Variants in GPC6 observed in about 807,000 individuals in gnomAD.
The protein encoded by GPC6 is glypican 6.
A neutral mutation model predicts 55.2 loss-of-function variants in GPC6; 14 were observed. The observed-to-expected ratio is 0.25, with a 90% CI of 0.17 to 0.40. The LOEUF (loss-of-function observed/expected upper bound fraction) is 0.40, where lower values mean the gene tolerates loss of function less well. Ranked by LOEUF, GPC6 falls within the 10% of genes least tolerant of loss-of-function variation. The pLI, the probability that GPC6 is intolerant of heterozygous loss-of-function variation, is 1.00. For missense variants in GPC6, 641 were observed against 708.5 expected, an observed-to-expected ratio of 0.90 and a Z score of 1.08; for synonymous variants, 278 against 259.6, an observed-to-expected ratio of 1.07 and a Z score of -0.68.
At chr13:94,312,733 CACACACACAT>C (rs1876317108) in intron 6 of GPC6, among the ~76,000 whole-genome samples, 1 of 138,016 alleles carries the variant, frequency 7.2e-6, no homozygotes, top group African/African-American at 3.2e-5. Context: ...CACACACACA[CACACACACAT>C]GCACTCACCC....
At chr13:93,545,789 A>G (rs1874756536) in intron 2 of GPC6, among the ~76,000 whole-genome samples, 1 of 152,224 alleles carries the variant, frequency 6.6e-6, no homozygotes, top group South Asian at 2.1e-4. Context: ...ATTTAAGATT[A>G]TTTGAAATAT....
At chr13:93,418,211 T>C (rs1187222307) in intron 1 of GPC6, among the ~76,000 whole-genome samples, 1 of 151,894 alleles carries the variant, frequency 6.6e-6, no homozygotes, top group Non-Finnish European at 1.5e-5. Flanking sequence ...TATAGGCATA[T>C]AATGCATAAT....
intron 1 of GPC6, among the ~76,000 whole-genome samples, chr13:93,246,380 T>C (rs918870251): frequency 6.7e-6 from 1 of 150,142 alleles, no homozygotes; most frequent in African/African-American, 2.5e-5. Context: ...CAGGGGCCAG[T>C]GCTTCTCCAC....
intron 6 of GPC6, among the ~76,000 whole-genome samples, chr13:94,357,248 A>C (rs1157996645): frequency 6.6e-6 from 1 of 152,120 alleles, no homozygotes; most frequent in Non-Finnish European, 1.5e-5. Flanking sequence ...GCACCAAACT[A>C]ACTACTTTCC....
intron 3 of GPC6, among the ~76,000 whole-genome samples, chr13:93,974,895 T>C (rs952984600): frequency 6.6e-6 from 1 of 152,138 alleles, no homozygotes; most frequent in East Asian, 1.9e-4. Context: ...CCTCACTTTA[T>C]AGAAGAAGAA....
At chr13:93,734,875 A>G (rs1434282781) in intron 2 of GPC6, among the ~76,000 whole-genome samples, 1 of 152,208 alleles carries the variant, frequency 6.6e-6, no homozygotes. Context: ...TTTATAAACC[A>G]TTTGAAATCT....
At chr13:93,273,178 G>C (rs1877598813) in intron 1 of GPC6, among the ~76,000 whole-genome samples, 1 of 152,060 alleles carries the variant, frequency 6.6e-6, no homozygotes. Flanking sequence ...CTAGGAATAT[G>C]TTTTCCAAGT....
intron 2 of GPC6, among the ~76,000 whole-genome samples, chr13:93,733,531 A>G (rs1883898423): frequency 6.6e-6 from 1 of 150,930 alleles, no homozygotes; most frequent in Non-Finnish European, 1.5e-5. Flanking sequence ...AAATATATAA[A>G]ATATATAAAA....
At chr13:93,672,153 T>A (rs2139629177) in intron 2 of GPC6, among the ~76,000 whole-genome samples, 1 of 139,636 alleles carries the variant, frequency 7.2e-6, no homozygotes, top group East Asian at 2.5e-4. Context: ...TCTGGGTTTT[T>A]TTTTTTTTTT....
intron 2 of GPC6, among the ~76,000 whole-genome samples, chr13:93,573,547 CCAAT>C (rs1876513118): frequency 6.6e-6 from 1 of 151,834 alleles, no homozygotes. Context: ...TCAAAACCAA[CCAAT>C]CAAACAGTAA....
intron 2 of GPC6, among the ~76,000 whole-genome samples, chr13:93,593,674 T>G (rs913772214): frequency 2.6e-5 from 4 of 152,138 alleles, no homozygotes; most frequent in Non-Finnish European, 4.4e-5. Context: ...ATTGTATCTA[T>G]TGAATACTCT....
At chr13:94,259,492 G>T (rs1274525858) in intron 4 of GPC6, among the ~76,000 whole-genome samples, 1 of 152,096 alleles carries the variant, frequency 6.6e-6, no homozygotes, top group Non-Finnish European at 1.5e-5. Flanking sequence ...TTTTTTAAAA[G>T]CTAGCTTTCA....
intron 2 of GPC6, among the ~76,000 whole-genome samples, chr13:93,740,978 T>C (rs887101980): frequency 2.0e-5 from 3 of 152,150 alleles, no homozygotes; most frequent in African/African-American, 7.2e-5. Flanking sequence ...TTAGTTTTTT[T>C]ATATGTTTGC....
chr13:93,500,350 G>C (rs563471995), intron 1 of GPC6, among the ~76,000 whole-genome samples: 1 of 152,224 alleles, frequency 6.6e-6, no homozygotes, highest in East Asian at 1.9e-4. Context: ...ATGATGTCAA[G>C]GTTGTGGCTA....
intron 4 of GPC6, among the ~76,000 whole-genome samples, chr13:94,198,942 C>T (rs1378100883): frequency 6.6e-6 from 1 of 152,168 alleles, no homozygotes; most frequent in Non-Finnish European, 1.5e-5. Flanking sequence ...TTCACCACCA[C>T]CGACAGACAG....
Position 93,944,489 on chromosome 13 carries a change from C to CCA in GPC6, c.712-83238_712-83237dup, listed in dbSNP as rs771081478. Among the ~76,000 whole-genome samples, 6 of 152,148 alleles carry CCA rather than the reference C, an allele frequency of 3.9e-5. No individual in the cohort carries two copies. The East Asian group carries it at 7.7e-4, about 20-fold the overall frequency. On this transcript the variant is annotated intron_variant, in intron 3 of 8. Transcript: ENST00000377047. ...AAAGTGCTGGGATTACAGGCATGAG[C>CCA]CACCACACCCAGCCCACCTTCTTCT...
At chr13:93,261,146 A>G (rs1324774440) in intron 1 of GPC6, among the ~76,000 whole-genome samples, 7 of 152,026 alleles carry the variant, frequency 4.6e-5, no homozygotes, top group Non-Finnish European at 5.9e-5. Flanking sequence ...ATTATTGACC[A>G]TGGTTTGTTT....
At chr13:93,795,274 A>T (rs1886161254) in intron 2 of GPC6, among the ~76,000 whole-genome samples, 1 of 152,238 alleles carries the variant, frequency 6.6e-6, no homozygotes, top group Admixed American at 6.5e-5. Context: ...TTTTGCAAGA[A>T]TCAATATTAT....
At chr13:93,517,061 G>A (rs1456580295) in intron 1 of GPC6, among the ~76,000 whole-genome samples, 1 of 121,662 alleles carries the variant, frequency 8.2e-6, no homozygotes, top group Non-Finnish European at 1.8e-5. Context: ...GAACTCACTT[G>A]TTATTTTTAG....
Sources: allele counts gnomAD v4.1 joint callset (sites outside exome capture counted in the v4.1 genomes callset), GRCh38; gene constraint gnomAD v4.1.1; transcripts MANE v1.5; gene names NCBI Gene and HGNC (gene_info 2026-07-23, HGNC 2026-07-21).